ABCB5: variants seen among roughly 807,000 people sequenced by gnomAD.
ABCB5 encodes ATP-binding cassette sub-family B member 5.
A neutral mutation model predicts 144.2 loss-of-function variants in ABCB5; 155 were observed. The observed-to-expected ratio is 1.08, with a 90% CI of 0.94 to 1.23. The LOEUF (loss-of-function observed/expected upper bound fraction) is 1.23, where lower values mean the gene tolerates loss of function less well. Ranked by LOEUF, ABCB5 falls within the 50% of genes most tolerant of loss-of-function variation. ABCB5 has a pLI of 0.00. For missense variants in ABCB5, 1,830 were observed against 1,520.8 expected (o/e 1.20, Z -3.38); for synonymous variants, 610 against 528.6 (o/e 1.15, Z -2.11).
intron 21 of ABCB5, among the ~76,000 whole-genome samples, chr7:20,724,387 G>A (rs1015663548): frequency 3.3e-5 from 5 of 151,936 alleles, no homozygotes; most frequent in African/African-American, 1.2e-4. Flanking sequence ...CAGAACTTTG[G>A]GAGGCCGAGA....
rs574418705 is a variant in ABCB5 at position 20,632,373 on chromosome 7, A to T, written c.314+260A>T. Among the ~76,000 whole-genome samples the T allele has an allele frequency of 4.6e-5, 7 of 152,248 alleles. No individual in the cohort carries two copies. The South Asian group carries it at 1.4e-3, about 31-fold the overall frequency. On this transcript the variant is annotated intron_variant, in intron 5 of 27. Coordinates refer to ENST00000404938, the MANE Select transcript of ABCB5 (RefSeq NM_001163941.2). ...CAATTTTAAAATTGTAAGGATTTGCATTTTTGTAGCAATTTTGCCTCCTAG... is the reference window on the plus strand; with the variant it reads ...CAATTTTAAAATTGTAAGGATTTGCTTTTTTGTAGCAATTTTGCCTCCTAG...
At chr7:20,631,370 G>C (rs1217700792) in intron 4 of ABCB5, among the ~76,000 whole-genome samples, 2 of 152,204 alleles carry the variant, frequency 1.3e-5, no homozygotes, top group Non-Finnish European at 2.9e-5. Context: ...AATATGTGAT[G>C]ATGTTATGGT....
intron 22 of ABCB5, 69 bp downstream of exon 22, chr7:20,727,209 T>G (rs773702210): frequency 5.9e-5 from 64 of 1,091,300 alleles, no homozygotes; most frequent in Admixed American, 3.3e-4. Flanking sequence ...CTCAAATGAC[T>G]CCAGTGGTTT....
intron 3 of ABCB5, among the ~76,000 whole-genome samples, chr7:20,628,063 G>C (rs1783947981): frequency 1.3e-5 from 2 of 152,014 alleles, no homozygotes; most frequent in South Asian, 4.2e-4. Context: ...CAACGTGCAG[G>C]TTTGTTACAT....
At chr7:20,655,719 G>T (rs114466757) in intron 13 of ABCB5, among the ~76,000 whole-genome samples, 34 of 152,124 alleles carry the variant, frequency 2.2e-4, no homozygotes, top group African/African-American at 7.5e-4. Flanking sequence ...TTAAAGATTT[G>T]CATTCTCTCC....
intron 26 of ABCB5, among the ~76,000 whole-genome samples, chr7:20,751,334 T>C (rs974425965): frequency 9.2e-5 from 14 of 152,026 alleles, no homozygotes; most frequent in Admixed American, 7.2e-4. Flanking sequence ...TAGCCAGGCG[T>C]GGTGGCGGGC....
chr7:20,643,459 A>T lies in ABCB5; in HGVS notation c.507-2A>T, dbSNP rs1784337105. 1 of 1,613,854 alleles carries T rather than the reference A, an allele frequency of 6.2e-7. No individual in the cohort carries two copies. The highest frequency in any genetic ancestry group is 1.3e-5 in the African/African-American group (1 of 74,926). On this transcript the variant is annotated splice_acceptor_variant, in intron 6 of 27. Coordinates refer to ENST00000404938, the MANE Select transcript of ABCB5 (RefSeq NM_001163941.2). LOFTEE classifies it high-confidence loss of function. ...CTAACTACATTTATTTGCTTGTTTC[A>T]GTGACATTGACAAAATCAGTGATGG... is the stretch of plus-strand genomic sequence containing the variant.
intron 8 of ABCB5, 25 bp from the exon 9 acceptor site, chr7:20,645,936 C>A (rs777029176): frequency 1.9e-6 from 3 of 1,612,534 alleles, no homozygotes; most frequent in Non-Finnish European, 1.7e-6. Context: ...CCAGTGGCTA[C>A]TAAGTTGTGT....
At chr7:20,665,778 T>G (rs1468988091) in intron 14 of ABCB5, among the ~76,000 whole-genome samples, 4 of 146,698 alleles carry the variant, frequency 2.7e-5, no homozygotes, top group East Asian at 2.0e-4. Context: ...GATACATACA[T>G]ACATACATAC....
At chr7:20,665,677 A>G (rs1459612631) in intron 14 of ABCB5, among the ~76,000 whole-genome samples, 2 of 151,818 alleles carry the variant, frequency 1.3e-5, no homozygotes, top group Admixed American at 6.6e-5. Context: ...TCCCCTGCCA[A>G]TTCAAGCAAT....
chr7:20,739,115 C>T lies in ABCB5; in HGVS notation c.3000C>T (p.Ser1000=), dbSNP rs913888355. The T allele has an allele frequency of 5.6e-6, 9 of 1,605,066 alleles. No homozygotes were observed. Among genetic ancestry groups the T allele is most frequent in the East Asian group, 2.2e-5 (1 of 44,648 alleles). ...ALLEKKPNID[S]RSQEGKKPDT... is the part of the protein sequence containing the mutation. Reference sequence around the variant, plus strand: ...TGGAAAAGAAACCAAATATAGACAGCCGCAGTCAAGAAGGGAAAAAGCCAG... The same window carrying T: ...TGGAAAAGAAACCAAATATAGACAGTCGCAGTCAAGAAGGGAAAAAGCCAG... Residue 1000 remains serine, a synonymous_variant, in exon 24 of 28, where the codon AGC becomes AGT. Coordinates refer to ENST00000404938, the MANE Select transcript of ABCB5 (RefSeq NM_001163941.2).
intron 13 of ABCB5, among the ~76,000 whole-genome samples, chr7:20,655,622 T>C (rs1240179650): frequency 6.6e-6 from 1 of 152,224 alleles, no homozygotes; most frequent in Non-Finnish European, 1.5e-5. Context: ...GCAAGTCTTC[T>C]AGTAAAAACT....
At chr7:20,633,913 T>C (rs1452265564) in intron 5 of ABCB5, among the ~76,000 whole-genome samples, 1 of 152,122 alleles carries the variant, frequency 6.6e-6, no homozygotes, top group East Asian at 1.9e-4. Context: ...GGCAGTTGTG[T>C]TACATGGATA....
chr7:20,654,930 A>T (rs756310714), intron 13 of ABCB5, among the ~76,000 whole-genome samples: 1 of 152,240 alleles, frequency 6.6e-6, no homozygotes, highest in Admixed American at 6.5e-5. Context: ...GAGAAGGAAG[A>T]GCAAATTAAC....
chr7:20,704,956 C>G, intron 20 of ABCB5, 149 bp downstream of exon 20: 1 of 501,654 alleles, frequency 2.0e-6, no homozygotes, highest in Non-Finnish European at 3.4e-6. Flanking sequence ...ACAGGTAACT[C>G]TCAGTGAAAG....
chr7:20,691,704 A>G (rs1786237725), intron 16 of ABCB5, among the ~76,000 whole-genome samples: 1 of 152,048 alleles, frequency 6.6e-6, no homozygotes, highest in Non-Finnish European at 1.5e-5. Flanking sequence ...TCAGAGGGGA[A>G]GATAATTAGT....
chr7:20,656,621 G>T (rs992881838), intron 13 of ABCB5, among the ~76,000 whole-genome samples: 4 of 152,152 alleles, frequency 2.6e-5, no homozygotes, highest in African/African-American at 9.6e-5. Flanking sequence ...AACTTTTGGT[G>T]ATGATGTAAG....
chr7:20,649,936 G>T, intron 11 of ABCB5, 86 bp from the exon 12 acceptor site: 1 of 1,426,414 alleles, frequency 7.0e-7, no homozygotes, highest in South Asian at 1.4e-5. Context: ...TTTGTTTTTG[G>T]TTATAATTAT....
In ABCB5 at chr7:20,753,547, A is replaced by G. The variant is rs187886803; in HGVS notation, c.3576+41A>G. The G allele has an allele frequency of 1.8e-5, 29 of 1,577,822 alleles. No homozygotes were observed. The East Asian group carries it at 6.3e-4, about 34-fold the overall frequency. ...TTTATCTCAGAATATAATACCAAAT[A>G]TAAGCATCCAATAACATGGAGGAAA... On this transcript the variant is annotated intron_variant, in intron 27 of 27. Coordinates refer to ENST00000404938, the MANE Select transcript of ABCB5 (RefSeq NM_001163941.2).
Sources: gnomAD v4.1 joint callset for allele counts (sites outside exome capture counted in the v4.1 genomes callset) on GRCh38, gnomAD v4.1.1 for gene constraint, MANE v1.5 for transcripts, NCBI Gene and HGNC (gene_info 2026-07-23, HGNC 2026-07-21) for gene names.